The following HHAT variants were observed in gnomAD, a reference collection of about 807,000 sequenced individuals.
HHAT encodes hedgehog acyltransferase.
A neutral mutation model predicts 70.8 loss-of-function variants in HHAT; 47 were observed. The observed-to-expected ratio is 0.66, with a 90% CI of 0.53 to 0.85. The LOEUF (loss-of-function observed/expected upper bound fraction) is 0.85. Ranked by LOEUF, HHAT falls within the 40% of genes least tolerant of loss-of-function variation. The pLI, the probability that HHAT is intolerant of heterozygous loss-of-function variation, is 0.00. For synonymous variants in HHAT, 228 were observed against 247.6 expected (o/e 0.92, Z 0.74); for missense variants, 609 against 604.8 (o/e 1.01, Z -0.07).
chr1:210,597,853 C>A (rs955235259), intron 10 of HHAT, among the ~76,000 whole-genome samples: 4 of 151,620 alleles, frequency 2.6e-5, no homozygotes, highest in Non-Finnish European at 5.9e-5. Flanking sequence ...GGCTGCAAAA[C>A]AAAGTCCTCT....
intron 2 of HHAT, among the ~76,000 whole-genome samples, chr1:210,356,069 A>C (rs1375039887): frequency 6.7e-6 from 1 of 149,734 alleles, no homozygotes; most frequent in Non-Finnish European, 1.5e-5. Context: ...GGCACACAGT[A>C]CCACACTTGC....
intron 11 of HHAT, among the ~76,000 whole-genome samples, chr1:210,628,017 T>G (rs757398822): frequency 2.6e-5 from 4 of 152,162 alleles, no homozygotes; most frequent in Non-Finnish European, 4.4e-5. Flanking sequence ...TCTTTGACAT[T>G]GAAGCATAAT....
intron 8 of HHAT, among the ~76,000 whole-genome samples, chr1:210,512,819 A>C (rs1389528111): frequency 6.6e-6 from 1 of 152,132 alleles, no homozygotes; most frequent in Non-Finnish European, 1.5e-5. Context: ...CTCATGGCCT[A>C]TATTTCTAGA....
At chr1:210,555,715 C>G (rs1449175960) in intron 9 of HHAT, among the ~76,000 whole-genome samples, 2 of 152,134 alleles carry the variant, frequency 1.3e-5, no homozygotes, top group Non-Finnish European at 2.9e-5. Flanking sequence ...TGGCTGAAGC[C>G]CATATATATT....
At chr1:210,622,552 T>C (rs1669043164) in intron 10 of HHAT, among the ~76,000 whole-genome samples, 1 of 152,166 alleles carries the variant, frequency 6.6e-6, no homozygotes, top group African/African-American at 2.4e-5. Flanking sequence ...AGAAGTGCAA[T>C]AAAGAGCTAG....
At chr1:210,385,586 G>A (rs2090984246) in intron 3 of HHAT, among the ~76,000 whole-genome samples, 1 of 152,154 alleles carries the variant, frequency 6.6e-6, no homozygotes, top group Admixed American at 6.5e-5. Context: ...TTCCAGCAAG[G>A]GACAGGGGCT....
intron 9 of HHAT, among the ~76,000 whole-genome samples, chr1:210,537,403 C>T (rs1316508): frequency 0.45 from 68,014 of 152,034 alleles, 16,059 homozygotes; most frequent in Non-Finnish European, 0.52. Flanking sequence ...TCCGTCCCAG[C>T]GCAATTATTG....
At chr1:210,597,596 C>T (rs1361601787) in intron 10 of HHAT, among the ~76,000 whole-genome samples, 1 of 152,128 alleles carries the variant, frequency 6.6e-6, no homozygotes, top group Non-Finnish European at 1.5e-5. Context: ...GAGGAGTCTT[C>T]TCCCTTGGCT....
chr1:210,555,920 A>G (rs1342738282), intron 9 of HHAT, among the ~76,000 whole-genome samples: 1 of 152,170 alleles, frequency 6.6e-6, no homozygotes, highest in African/African-American at 2.4e-5. Flanking sequence ...ATTTCTTCCT[A>G]CCAATACATT....
intron 6 of HHAT, among the ~76,000 whole-genome samples, chr1:210,417,432 A>G (rs917239566): frequency 4.6e-5 from 7 of 151,950 alleles, no homozygotes; most frequent in African/African-American, 1.7e-4. Context: ...ATGGGGTTTC[A>G]CCATATTGGC....
intron 6 of HHAT, among the ~76,000 whole-genome samples, chr1:210,416,678 G>T (rs76661224): frequency 1.3e-5 from 2 of 152,142 alleles, no homozygotes; most frequent in Non-Finnish European, 2.9e-5. Context: ...GCTTCTATCT[G>T]TATCTATGAA....
intron 11 of HHAT, among the ~76,000 whole-genome samples, chr1:210,631,647 C>T (rs1388599887): frequency 3.3e-5 from 5 of 152,226 alleles, no homozygotes; most frequent in East Asian, 1.9e-4. Flanking sequence ...ACAGAATTAT[C>T]TCAGGGTGGC....
At chr1:210,580,395 A>C (rs899584656) in intron 9 of HHAT, among the ~76,000 whole-genome samples, 23 of 145,306 alleles carry the variant, frequency 1.6e-4, no homozygotes, top group African/African-American at 5.8e-4. Flanking sequence ...AAAAGGGGGG[A>C]TACGTGTACA....
chr1:210,620,332 A>C (rs1395212545), intron 10 of HHAT, among the ~76,000 whole-genome samples: 2 of 152,144 alleles, frequency 1.3e-5, no homozygotes, highest in Admixed American at 1.3e-4. Flanking sequence ...CAAGGTGGAG[A>C]GAGAGATCCC....
intron 9 of HHAT, among the ~76,000 whole-genome samples, chr1:210,576,804 A>G (rs923979637): frequency 3.9e-5 from 6 of 152,232 alleles, no homozygotes; most frequent in Non-Finnish European, 5.9e-5. Context: ...AGCACTATCC[A>G]TGGGCACAGC....
chr1:210,449,984 C>A (rs1333189267), intron 7 of HHAT, among the ~76,000 whole-genome samples: 1 of 152,056 alleles, frequency 6.6e-6, no homozygotes, highest in Non-Finnish European at 1.5e-5. Flanking sequence ...GTTAGCGATA[C>A]GTATTTGGGA....
chr1:210,604,000 G>A (rs1664822637), intron 10 of HHAT, among the ~76,000 whole-genome samples: 1 of 152,214 alleles, frequency 6.6e-6, no homozygotes, highest in African/African-American at 2.4e-5. Flanking sequence ...CTGCGGAAGG[G>A]TGGGAAGCAA....
At chr1:210,359,357 A>T in intron 2 of HHAT, among the ~76,000 whole-genome samples, 1 of 152,198 alleles carries the variant, frequency 6.6e-6, no homozygotes, top group East Asian at 1.9e-4. Flanking sequence ...GGAGTTATGT[A>T]GCTAGAGGCC....
At chr1:210,439,420 T>G (rs911903644) in intron 7 of HHAT, among the ~76,000 whole-genome samples, 1 of 151,786 alleles carries the variant, frequency 6.6e-6, no homozygotes, top group Non-Finnish European at 1.5e-5. Flanking sequence ...GTTTCCAAAC[T>G]CATACAGTCA....
Sources: allele counts gnomAD v4.1 joint callset (sites outside exome capture counted in the v4.1 genomes callset), GRCh38; gene constraint gnomAD v4.1.1; transcripts MANE v1.5; gene names NCBI Gene and HGNC (gene_info 2026-07-23, HGNC 2026-07-21).